The following KIFC3 variants were observed in gnomAD, a reference collection of about 807,000 sequenced individuals.
KIFC3 encodes kinesin family member C3.
Under a neutral mutation model 101.8 loss-of-function variants are expected in KIFC3, and 60 were observed. That is an observed-to-expected ratio of 0.59 (90% confidence interval 0.48 to 0.73). The LOEUF (loss-of-function observed/expected upper bound fraction) is 0.73, where lower values mean the gene tolerates loss of function less well. KIFC3 is among the 30% of genes least tolerant of loss of function. The pLI, the probability that KIFC3 is intolerant of heterozygous loss-of-function variation, is 0.00. For synonymous variants in KIFC3, 476 were observed against 482.7 expected (o/e 0.99, Z 0.18); for missense variants, 966 against 1,137.1 (o/e 0.85, Z 2.16).
At chr16:57,859,210 C>T (rs1287638364) in intron 1 of KIFC3, among the ~76,000 whole-genome samples, 1 of 152,206 alleles carries the variant, frequency 6.6e-6, no homozygotes, top group African/African-American at 2.4e-5. Flanking sequence ...GAAGCCATTA[C>T]TACTCTACAA....
chr16:57,835,412 G>A (rs2055666414), intron 1 of KIFC3, among the ~76,000 whole-genome samples: 1 of 152,210 alleles, frequency 6.6e-6, no homozygotes, highest in Non-Finnish European at 1.5e-5. Flanking sequence ...AAAGCACTAT[G>A]ATAATTTGAT....
chr16:57,794,492 G>A (rs34165478), intron 3 of KIFC3, among the ~76,000 whole-genome samples: 11,140 of 152,090 alleles, frequency 0.073, 453 homozygotes, highest in South Asian at 0.12. Context: ...TCCCAAAGTG[G>A]TGAGATTACA....
chr16:57,797,945 G>A, intron 2 of KIFC3, 127 bp downstream of exon 2: 2 of 1,537,646 alleles, frequency 1.3e-6, no homozygotes, highest in Admixed American at 4.0e-5. Context: ...GCTCTGGGCT[G>A]TCGGTTACCC....
At chr16:57,847,268 A>AAGGAAGGAAGGAAGGAAGGG (rs1251452376) in intron 1 of KIFC3, among the ~76,000 whole-genome samples, 1 of 58,574 alleles carries the variant, frequency 1.7e-5, no homozygotes. Flanking sequence ...GGAAGGAAGG[A>AAGGAAGGAAGGAAGGAAGGG]AGGGAAGGGA....
chr16:57,795,985 C>T (rs1555622789), intron 2 of KIFC3, among the ~76,000 whole-genome samples: 1 of 150,398 alleles, frequency 6.6e-6, no homozygotes, highest in African/African-American at 2.4e-5. Context: ...CCTCCACCTC[C>T]CGGGTTCAAG....
At chr16:57,775,069 C>T (rs1425360435) in intron 3 of KIFC3, 51 of 1,507,008 alleles carry the variant, frequency 3.4e-5, no homozygotes, top group Middle Eastern at 3.5e-4. Flanking sequence ...GGGTGGGAGG[C>T]GGGATACCCA....
chr16:57,833,728 T>C (rs1463858350), intron 1 of KIFC3, among the ~76,000 whole-genome samples: 9 of 152,096 alleles, frequency 5.9e-5, no homozygotes, highest in Non-Finnish European at 1.3e-4. Context: ...GACCCTAAAA[T>C]TACTGAAGAG....
intron 3 of KIFC3, 117 bp downstream of exon 3, chr16:57,794,882 C>T (rs549617869): frequency 1.2e-5 from 11 of 908,676 alleles, no homozygotes; most frequent in South Asian, 4.2e-5. Flanking sequence ...CAGAGAGGTG[C>T]GAGGTGGGTC....
At position 57,798,327 on chromosome 16, in the gene KIFC3, G is replaced by A. The variant is rs782379825; in HGVS notation, c.-39-45C>T. 27 of 1,492,502 alleles carry A rather than the reference G, an allele frequency of 1.8e-5. No homozygotes were observed. The African/African-American group carries it at 2.9e-4, about 16-fold the overall frequency. 92.5% of individuals were successfully genotyped at this position (1,492,502 alleles called of 1,614,324 possible). Reference sequence around the variant, plus strand: ...AGATAAGCTTGAAGACCGTGGACCAGCACAACTGCACCTCGGGCAGAGCCA... The same window carrying A: ...AGATAAGCTTGAAGACCGTGGACCAACACAACTGCACCTCGGGCAGAGCCA... On this transcript the variant is annotated intron_variant, in intron 1 of 19. Coordinates refer to ENST00000445690, the MANE Select transcript of KIFC3 (RefSeq NM_001130100.2).
At chr16:57,776,452 GGCT>G (rs1281045938) in intron 3 of KIFC3, 24 of 980,820 alleles carry the variant, frequency 2.4e-5, no homozygotes, top group Non-Finnish European at 2.9e-5. Context: ...TCTAAAGCCA[GGCT>G]GCCCAGGTTC....
intron 1 of KIFC3, among the ~76,000 whole-genome samples, chr16:57,839,771 A>C (rs572925509): frequency 6.6e-6 from 1 of 152,094 alleles, no homozygotes; most frequent in East Asian, 1.9e-4. Flanking sequence ...TGTCAGGTTT[A>C]TTTATCTGAA....
rs557071795 is a variant in KIFC3 at position 57,769,196 on chromosome 16, C to T, written c.1218+399G>A. Among the ~76,000 whole-genome samples the T allele has an allele frequency of 6.6e-6, 1 of 152,224 alleles. No individual in the cohort carries two copies. The highest frequency in any genetic ancestry group is 2.1e-4 in the South Asian group (1 of 4,814). On this transcript the variant is annotated intron_variant, in intron 9 of 19. Coordinates refer to ENST00000445690, the MANE Select transcript of KIFC3 (RefSeq NM_001130100.2). This position sits in a 1 kb window ranked among gnomAD's most constrained non-coding sequence, Gnocchi z 4.3. Reference sequence around the variant, plus strand: ...TTAACAGGCACCTGCCACCCATGCCCAGCTAATTTTTGTAATTTTAGTAGA... The same window carrying T: ...TTAACAGGCACCTGCCACCCATGCCTAGCTAATTTTTGTAATTTTAGTAGA...
rs80180585 is a variant in KIFC3 at position 57,758,745 on chromosome 16, C to G, written c.*189G>C. 5,080 of 950,504 alleles carry G rather than the reference C, an allele frequency of 5.3e-3. 193 individuals carry two copies. In the African/African-American group the frequency reaches 0.072, roughly 13 times the overall value. The allele number at this position is 950,504 out of a possible 1,614,324, so 58.9% of individuals were successfully genotyped here. Reference sequence around the variant, plus strand: ...CACAGCCGAGAGACACCGTTTCCTTCTGAACATGTTTCTCATCTTTGAGGG... The same window carrying G: ...CACAGCCGAGAGACACCGTTTCCTTGTGAACATGTTTCTCATCTTTGAGGG... On this transcript the variant is annotated 3_prime_UTR_variant, in exon 20 of 20. Transcript: ENST00000445690.
chr16:57,758,615 T>G lies in KIFC3; in HGVS notation c.*319A>C, dbSNP rs1293550839. On this transcript the variant is annotated 3_prime_UTR_variant, in exon 20 of 20. Transcript: ENST00000445690. The stretch of plus-strand genomic sequence containing the variant: ...AGCCTGGGTGAGAGGCCCACCCTCC[T>G]CCACACTCCCGCCCTCCTCACGGGG... 3 of 692,560 alleles carry G rather than the reference T, an allele frequency of 4.3e-6. No homozygotes were observed. The highest frequency in any genetic ancestry group is 7.9e-6 in the Non-Finnish European group (3 of 379,332). The allele number at this position is 692,560 out of a possible 1,614,324, so 42.9% of individuals were successfully genotyped here.
intron 3 of KIFC3, among the ~76,000 whole-genome samples, chr16:57,784,256 C>T (rs1452547887): frequency 6.6e-6 from 1 of 152,192 alleles, no homozygotes; most frequent in East Asian, 1.9e-4. Flanking sequence ...CAAGAGGATA[C>T]AGGGCTAGCC....
intron 1 of KIFC3, among the ~76,000 whole-genome samples, chr16:57,844,550 A>G (rs2055879281): frequency 6.6e-6 from 1 of 150,692 alleles, no homozygotes; most frequent in African/African-American, 2.4e-5. Flanking sequence ...GGGGAGGGGG[A>G]TTGGAGTTCA....
chr16:57,760,840 G>A lies in KIFC3; in HGVS notation c.2118C>T (p.Asp706=), dbSNP rs200174726. The A allele has an allele frequency of 3.7e-5, 59 of 1,613,254 alleles. No individual in the cohort carries two copies. Among genetic ancestry groups the A allele is most frequent in the East Asian group, 1.8e-4 (8 of 44,874 alleles). ...GGCGGGAGCGCAGGGCAGCAATGAC[G>A]TCCCCCAGAGCCGACAGCGACTTGT... ...HINKSLSALG[D]VIAALRSRQG... is the part of the protein sequence containing the mutation. The change falls in exon 16 of 20, where the codon GAC becomes GAT. Residue 706 remains aspartate (D), a synonymous_variant. Transcript: ENST00000445690.
At chr16:57,771,813 G>A in intron 4 of KIFC3, 127 bp from the exon 5 acceptor site, 1 of 1,216,300 alleles carries the variant, frequency 8.2e-7, no homozygotes, top group Non-Finnish European at 1.1e-6. Context: ...CAGAGGGAAG[G>A]AGAAAAAGAA....
chr16:57,834,437 CT>C (rs1388306006), intron 1 of KIFC3, among the ~76,000 whole-genome samples: 1 of 152,092 alleles, frequency 6.6e-6, no homozygotes, highest in Non-Finnish European at 1.5e-5. Context: ...AACTCTTCAC[CT>C]TGATCCTTTT....
Sources: gnomAD v4.1 joint callset for allele counts (sites outside exome capture counted in the v4.1 genomes callset) on GRCh38, gnomAD v4.1.1 for gene constraint, Gnocchi (gnomAD v3.1) non-coding constraint, MANE v1.5 for transcripts, NCBI Gene and HGNC (gene_info 2026-07-23, HGNC 2026-07-21) for gene names.